The following C1R variants were observed in gnomAD, a reference collection of about 807,000 sequenced individuals.
C1R encodes the protein complement C1r subcomponent.
A neutral mutation model predicts 27.6 loss-of-function variants in C1R; 15 were observed. The observed-to-expected ratio is 0.54, with a 90% confidence interval of 0.36 to 0.84. The LOEUF (loss-of-function observed/expected upper bound fraction) is 0.84, where lower values mean the gene tolerates loss of function less well. Ranked by LOEUF, C1R falls within the 40% of genes least tolerant of loss-of-function variation. The pLI is 0.01. For synonymous variants in C1R, 253 were observed against 228.8 expected, an observed-to-expected ratio of 1.11 and a Z score of -0.95; for missense variants, 544 against 577.9, an observed-to-expected ratio of 0.94 and a Z score of 0.60.
rs771189824 is a variant in C1R at position 7,089,778 on chromosome 12, C to G, written c.425-45G>C. ...GAGGGTTAAGCTTCTGCTGGGAGAC[C>G]TGAGTAGTGGCTCTGATCTTAGGGA... On this transcript the variant is annotated intron_variant, in intron 3 of 10. Coordinates refer to ENST00000647956, the MANE Select transcript of C1R (RefSeq NM_001733.7). 7 of 771,732 alleles carry G rather than the reference C, an allele frequency of 9.1e-6. No individual in the cohort carries two copies. In the East Asian group the frequency reaches 1.7e-4, roughly 19 times the overall value. 47.8% of individuals were successfully genotyped at this position (771,732 alleles called of 1,614,324 possible).
chr12:7,086,301 C>A (rs1038345214), intron 8 of C1R, 78 bp downstream of exon 8: 4 of 398,104 alleles, frequency 1.0e-5, no homozygotes, highest in Non-Finnish European at 1.3e-5. Flanking sequence ...AGTCTGGACC[C>A]CTCTTTCTTT....
Position 7,091,125 on chromosome 12 carries a change from T to A in C1R, c.231+327A>T. 3.0e-6 allele frequency: 1 copy of A among 327,982 alleles called. No individual in the cohort carries two copies. The highest frequency in any genetic ancestry group is 5.6e-6 in the Non-Finnish European group (1 of 177,086). The allele number at this position is 327,982 out of a possible 1,614,324, so 20.3% of individuals were successfully genotyped here. The stretch of plus-strand genomic sequence containing the variant: ...GAAGCAGGCAGCCATGTCAATCATT[T>A]CCTTGGAGACAGGGAAGCTGAGGCA... On this transcript the variant is annotated intron_variant, in intron 2 of 10. Transcript: ENST00000647956. The surrounding 1 kb of genome is among the most constrained non-coding windows in gnomAD (Gnocchi z 5.1).
At chr12:7,089,538 G>C in intron 4 of C1R, 49 bp from the exon 5 acceptor site, 1 of 780,098 alleles carries the variant, frequency 1.3e-6, no homozygotes, top group South Asian at 1.3e-5. Flanking sequence ...AGCTGGCCCA[G>C]CAAGCCCTGG....
rs1312486306 is a variant in C1R, at chr12:7,088,826, C to A, written c.916+13G>T. The A allele has an allele frequency of 1.3e-6, 1 of 772,368 alleles. No homozygotes were observed. Among genetic ancestry groups the A allele is most frequent in the Admixed American group, 1.7e-5 (1 of 58,260 alleles). 47.8% of individuals were successfully genotyped at this position (772,368 alleles called of 1,614,324 possible). A position where few individuals can be genotyped will look rare whatever the true frequency, so the allele number is the denominator to read the frequency against. ...ATTGCTGGCCATCGAGGGAGGCCTG[C>A]AGGGAGCCTTACTCTCGGTGGTGTA... On this transcript the variant is annotated intron_variant, in intron 6 of 10. Transcript: ENST00000647956.
intron 9 of C1R, among the ~76,000 whole-genome samples, chr12:7,083,649 T>TGGTGATG (rs1938108167): frequency 0.034 from 2 of 58 alleles, no homozygotes; most frequent in African/African-American, 0.071. Context: ...GTGTTGGTGG[T>TGGTGATG]GNNNNNNNNN....
Position 7,088,605 on chromosome 12 carries a change from C to G in C1R, c.1038+5G>C, listed in dbSNP as rs1230821479. 2 of 720,922 alleles carry G rather than the reference C, an allele frequency of 2.8e-6. No homozygotes were observed. Among genetic ancestry groups the G allele is most frequent in the Non-Finnish European group, 5.2e-6 (2 of 386,264 alleles). The allele number at this position is 720,922 out of a possible 1,614,324, so 44.7% of individuals were successfully genotyped here. A position where few individuals can be genotyped will look rare whatever the true frequency, so the allele number is the denominator to read the frequency against. On this transcript the variant is annotated splice_donor_5th_base_variant and intron_variant, in intron 7 of 10. Coordinates refer to ENST00000647956, the MANE Select transcript of C1R (RefSeq NM_001733.7). ...GGCTCTCTCCCCTCAGCCCTGGGCT[C>G]TTACCTCTATGAGCTGGTAGCCTTG... is the stretch of plus-strand genomic sequence containing the variant.
At chr12:7,088,341 T>G in intron 7 of C1R, 1 of 658,524 alleles carries the variant, frequency 1.5e-6, no homozygotes, top group Non-Finnish European at 2.7e-6. Flanking sequence ...TTTTTATTTT[T>G]CAGAGACAGA....
At chr12:7,086,707 C>A in intron 7 of C1R, 1 of 341,518 alleles carries the variant, frequency 2.9e-6, no homozygotes, top group Admixed American at 4.8e-5. Flanking sequence ...CCTGATCATC[C>A]TCTCTCTAGA....
intron 1 of C1R, 30 bp downstream of exon 1, chr12:7,092,357 C>T: frequency 1.3e-6 from 1 of 780,662 alleles, no homozygotes; most frequent in Non-Finnish European, 2.4e-6. Context: ...GCTTCTCCCT[C>T]CCACCTGGTT....
At chr12:7,089,156 G>A in intron 5 of C1R, 137 bp downstream of exon 5, 1 of 642,950 alleles carries the variant, frequency 1.6e-6, no homozygotes, top group Non-Finnish European at 2.8e-6. Flanking sequence ...AGTTGTGTGG[G>A]AACTTACCCA....
intron 7 of C1R, among the ~76,000 whole-genome samples, chr12:7,088,031 C>T (rs533432654): frequency 1.4e-4 from 22 of 152,084 alleles, no homozygotes; most frequent in Non-Finnish European, 2.1e-4. Flanking sequence ...GGACGGTGGG[C>T]GCAGGGGGAG....
Position 7,091,278 on chromosome 12 carries a change from G to A in C1R, c.231+174C>T, listed in dbSNP as rs752562555. 3.5e-5 allele frequency: 21 copies of A among 602,236 alleles called. No homozygotes were observed. The highest frequency in any genetic ancestry group is 2.7e-4 in the South Asian group (13 of 47,614). 37.3% of individuals were successfully genotyped at this position (602,236 alleles called of 1,614,324 possible). ...TGTGCTTCTCCCCTCAGTGCTCACC[G>A]AGGGCCTCTACACCAGTGAGCGCCC... On this transcript the variant is annotated intron_variant, in intron 2 of 10. Transcript: ENST00000647956. This position sits in a 1 kb window ranked among gnomAD's most constrained non-coding sequence, Gnocchi z 5.1.
At position 7,081,063 on chromosome 12, in the gene C1R, G is replaced by A. The variant is rs773800243; in HGVS notation, c.1587C>T (p.Leu529=). The change falls in exon 11 of 11, where the codon CTC becomes CTT. Residue 529 remains leucine (L), a synonymous_variant. Transcript: ENST00000647956. ...VFLGHTNVEE[L]MKLGNHPIRR... is the part of the protein sequence containing the mutation. ...GGATGGGGTGATTTCCTAGCTTCAT[G>A]AGCTCTTCCACATTTGTGTGGCCCA... is the stretch of plus-strand genomic sequence containing the variant. 6.8e-6 allele frequency: 11 copies of A among 1,614,040 alleles called. No homozygotes were observed. Among genetic ancestry groups the A allele is most frequent in the African/African-American group, 1.3e-5 (1 of 75,056 alleles).
Position 7,089,654 on chromosome 12 carries a change from G to T in C1R, c.504C>A (p.Tyr168Ter), listed in dbSNP as rs748635646. ...GGCAGGAACAGAAGTAGCCTCCAAC[G>T]TAGTTGTGACACAGGTGCTGGCACT... is the stretch of plus-strand genomic sequence containing the variant. ...QPQCQHLCHN[Y>*]VGGYFCSCRP... The change falls in exon 4 of 11, where the codon TAC becomes TAA. Residue 168 changes from tyrosine (Y) to a stop codon, truncating the protein, a stop_gained. Transcript: ENST00000647956. LOFTEE classifies it high-confidence loss of function. The T allele has an allele frequency of 1.3e-6, 1 of 780,896 alleles. No individual in the cohort carries two copies. The highest frequency in any genetic ancestry group is 2.4e-5 in the East Asian group (1 of 41,254). 48.4% of individuals were successfully genotyped at this position (780,896 alleles called of 1,614,324 possible).
chr12:7,080,650 C>T lies in C1R; in HGVS notation c.2000G>A (p.Arg667His), dbSNP rs774394869. 14 of 1,613,746 alleles carry T rather than the reference C, an allele frequency of 8.7e-6. No individual in the cohort carries two copies. Among genetic ancestry groups the T allele is most frequent in the African/African-American group, 5.3e-5 (4 of 74,868 alleles). The change falls in exon 11 of 11, where the codon CGC (arginine) becomes CAC (histidine). Residue 667 changes from arginine to histidine, a missense_variant. By Grantham distance (29) the Arg-to-His change is conservative. This residue lies in a region of C1R where 253 missense variants were observed against 368.9 expected (regional missense o/e 0.69). Transcript: ENST00000647956. The surrounding 1 kb of genome is among the most constrained non-coding windows in gnomAD (Gnocchi z 4.9). Reference protein sequence around the residue: ...VFAVRDPNTDRWVATGIVSWG... With the variant: ...VFAVRDPNTDHWVATGIVSWG... ...GGACACGATGCCCGTGGCCACCCAG[C>T]GATCAGTGTTCGGGTCCCTTACTGC... is the stretch of plus-strand genomic sequence containing the variant.
rs1938270798 is a variant in C1R at position 7,091,438 on chromosome 12, C to T, written c.231+14G>A. 1.3e-6 allele frequency: 1 copy of T among 744,864 alleles called. No individual in the cohort carries two copies. The highest frequency in any genetic ancestry group is 1.9e-5 in the Admixed American group (1 of 52,802). The allele number at this position is 744,864 out of a possible 1,614,324, so 46.1% of individuals were successfully genotyped here. ...CAGTTTTGTCTCCCCTCTGCCCGCCCATCCTGCCCCTACCTTGACATAATC... is the reference window on the plus strand; with the variant it reads ...CAGTTTTGTCTCCCCTCTGCCCGCCTATCCTGCCCCTACCTTGACATAATC... On this transcript the variant is annotated intron_variant, in intron 2 of 10. Coordinates refer to ENST00000647956, the MANE Select transcript of C1R (RefSeq NM_001733.7). This position sits in a 1 kb window ranked among gnomAD's most constrained non-coding sequence, Gnocchi z 5.1.
chr12:7,090,281 A>G (rs781490071), intron 2 of C1R, 33 bp from the exon 3 acceptor site: 5 of 712,158 alleles, frequency 7.0e-6, no homozygotes, highest in African/African-American at 1.8e-5. Context: ...TAGGAAGAAG[A>G]TCTGTTGCGG....
At position 7,091,298 on chromosome 12, in the gene C1R, G is replaced by A; in HGVS notation, c.231+154C>T. ...TCACCGAGGGCCTCTACACCAGTGA[G>A]CGCCCATCCAGGGCATCCCCGGGCT... On this transcript the variant is annotated intron_variant, in intron 2 of 10. Coordinates refer to ENST00000647956, the MANE Select transcript of C1R (RefSeq NM_001733.7). The surrounding 1 kb of genome is among the most constrained non-coding windows in gnomAD (Gnocchi z 5.1). The A allele has an allele frequency of 1.6e-6, 1 of 629,292 alleles. No individual in the cohort carries two copies. The highest frequency in any genetic ancestry group is 2.8e-6 in the Non-Finnish European group (1 of 356,046). The allele number at this position is 629,292 out of a possible 1,614,324, so 39.0% of individuals were successfully genotyped here.
chr12:7,092,003 A>C, intron 1 of C1R: 1 of 566,416 alleles, frequency 1.8e-6, no homozygotes, highest in Non-Finnish European at 3.2e-6. Flanking sequence ...GGACCAGTTA[A>C]TGGAGGGTGA....
Sources: allele counts gnomAD v4.1 joint callset (sites outside exome capture counted in the v4.1 genomes callset), GRCh38; gene constraint gnomAD v4.1.1; regional missense constraint gnomAD v4.1.1; non-coding constraint Gnocchi (gnomAD v3.1); transcripts MANE v1.5; gene names NCBI Gene and HGNC (gene_info 2026-07-23, HGNC 2026-07-21).